Variants in CCDC141 observed in about 807,000 individuals in gnomAD.
The protein encoded by CCDC141 is coiled-coil domain-containing protein 141.
A neutral mutation model predicts 181.0 loss-of-function variants in CCDC141; 168 were observed. The observed-to-expected ratio is 0.93, with a 90% CI of 0.82 to 1.05. The LOEUF is 1.05. Ranked by LOEUF, CCDC141 falls within the 50% of genes least tolerant of loss-of-function variation. The probability of loss-of-function intolerance (pLI) is 0.00; values close to 1 mark genes in which losing one functional copy is unlikely to be tolerated. For synonymous variants in CCDC141, 666 were observed against 642.3 expected (o/e 1.04, Z -0.56); for missense variants, 1,902 against 1,788.5 (o/e 1.06, Z -1.14).
At chr2:178,899,219 T>TA (rs1283099970) in intron 8 of CCDC141, among the ~76,000 whole-genome samples, 1 of 152,210 alleles carries the variant, frequency 6.6e-6, no homozygotes, top group East Asian at 1.9e-4. Flanking sequence ...AACAATAGGC[T>TA]AGCCTAGCTA....
At chr2:178,820,283 G>A in the CCDC141 span, among the ~76,000 whole-genome samples, 1 of 152,200 alleles carries the variant, frequency 6.6e-6, no homozygotes, top group South Asian at 2.1e-4. Context: ...CCCTTGGTTT[G>A]GCCACACCGG....
chr2:179,020,446 G>A (rs2042664810), intron 2 of CCDC141, among the ~76,000 whole-genome samples: 1 of 152,074 alleles, frequency 6.6e-6, no homozygotes, highest in African/African-American at 2.4e-5. Context: ...ATGAGACCAC[G>A]TTGGCTGTGA....
At chr2:179,002,445 C>A in intron 2 of CCDC141, 1 of 386,590 alleles carries the variant, frequency 2.6e-6, no homozygotes, top group South Asian at 2.0e-5. Flanking sequence ...GACGCCTCAT[C>A]ACTTGGGGCC....
chr2:178,922,429 A>G (rs1688733139), intron 6 of CCDC141, among the ~76,000 whole-genome samples: 1 of 152,192 alleles, frequency 6.6e-6, no homozygotes, highest in African/African-American at 2.4e-5. Flanking sequence ...CAGTCTTGAC[A>G]CACTGTTTTT....
intron 2 of CCDC141, among the ~76,000 whole-genome samples, chr2:178,998,116 T>C (rs1692371460): frequency 6.6e-6 from 1 of 152,104 alleles, no homozygotes; most frequent in South Asian, 2.1e-4. Context: ...AGAATATTTG[T>C]ATATTGATTT....
chr2:179,022,184 AC>A (rs993169693), intron 2 of CCDC141, among the ~76,000 whole-genome samples: 10 of 152,096 alleles, frequency 6.6e-5, no homozygotes, highest in African/African-American at 2.2e-4. Flanking sequence ...GGATTTCACT[AC>A]CTTTTTTGCA....
At chr2:179,018,944 C>A (rs537962179) in intron 2 of CCDC141, among the ~76,000 whole-genome samples, 13 of 152,226 alleles carry the variant, frequency 8.5e-5, no homozygotes, top group African/African-American at 3.1e-4. Flanking sequence ...TCAGATAATT[C>A]TTTAAAAGCA....
chr2:178,979,590 T>C (rs573202617), intron 2 of CCDC141, among the ~76,000 whole-genome samples: 2 of 152,308 alleles, frequency 1.3e-5, no homozygotes, highest in African/African-American at 4.8e-5. Flanking sequence ...TTGTGTTTGC[T>C]AGAGTATCCC....
chr2:178,973,636 G>C (rs575539654), intron 4 of CCDC141, among the ~76,000 whole-genome samples: 1 of 152,248 alleles, frequency 6.6e-6, no homozygotes, highest in South Asian at 2.1e-4. Context: ...CATTCCCCCT[G>C]CCAGCTCCAT....
chr2:178,991,646 A>G lies in CCDC141; in HGVS notation c.226-12971T>C, dbSNP rs1213749009. On this transcript the variant is annotated intron_variant, in intron 2 of 23. Transcript: ENST00000443758. ...GATAGTAGAGTGACTATAGTTAATT[A>G]TTATATATTTCAAAATAACTAAAAG... Among the ~76,000 whole-genome samples the G allele has an allele frequency of 2.6e-5, 4 of 152,154 alleles. No homozygotes were observed. The South Asian group carries it at 8.3e-4, about 32-fold the overall frequency.
the CCDC141 span, among the ~76,000 whole-genome samples, chr2:178,824,600 CAAG>C: frequency 9.5e-6 from 1 of 105,084 alleles, no homozygotes; most frequent in South Asian, 3.3e-4. Flanking sequence ...GCCTGGGCGA[CAAG>C]AGTGAGACTT....
chr2:178,986,127 T>C (rs1691720386), intron 2 of CCDC141, among the ~76,000 whole-genome samples: 2 of 152,136 alleles, frequency 1.3e-5, no homozygotes, highest in African/African-American at 4.8e-5. Context: ...CATGATCAAG[T>C]GGGCTTCATC....
At chr2:179,033,936 CATA>C (rs1380851265) in intron 2 of CCDC141, among the ~76,000 whole-genome samples, 1 of 152,142 alleles carries the variant, frequency 6.6e-6, no homozygotes, top group East Asian at 1.9e-4. Flanking sequence ...TGGGGCTCAG[CATA>C]ATATTTCACA....
intron 22 of CCDC141, among the ~76,000 whole-genome samples, chr2:178,840,401 T>C (rs189602212): frequency 5.3e-5 from 8 of 152,366 alleles, no homozygotes; most frequent in African/African-American, 1.7e-4. Flanking sequence ...TAGAATTGTC[T>C]GAAAACTTAC....
chr2:178,965,842 A>G (rs2154379420), intron 4 of CCDC141, among the ~76,000 whole-genome samples: 1 of 152,276 alleles, frequency 6.6e-6, no homozygotes, highest in South Asian at 2.1e-4. Context: ...CCACCCCCAG[A>G]GAGCCCAGCA....
chr2:178,972,806 G>C (rs190109962), intron 4 of CCDC141, among the ~76,000 whole-genome samples: 1 of 152,214 alleles, frequency 6.6e-6, no homozygotes, highest in East Asian at 1.9e-4. Context: ...AACATTCCAG[G>C]GGGCAGAAAT....
intron 5 of CCDC141, among the ~76,000 whole-genome samples, chr2:178,949,835 G>A (rs532177866): frequency 7.9e-5 from 12 of 152,280 alleles, no homozygotes; most frequent in South Asian, 2.1e-4. Context: ...TCATGCAAGC[G>A]GTAGAAAATG....
intron 1 of CCDC141, among the ~76,000 whole-genome samples, chr2:179,047,966 C>T (rs2043554449): frequency 6.6e-6 from 1 of 152,110 alleles, no homozygotes; most frequent in African/African-American, 2.4e-5. Context: ...GTTTTCCAAC[C>T]TTAGTTGTTG....
chr2:179,015,354 CATATCCCATATATGTATCATAT>C (rs1559049432), intron 2 of CCDC141, among the ~76,000 whole-genome samples: 3 of 126,600 alleles, frequency 2.4e-5, no homozygotes, highest in Non-Finnish European at 4.7e-5. Flanking sequence ...ATGTATCATA[CATATCCCATATATGTATCATAT>C]ATATCTCATA....
Sources: gnomAD v4.1 joint callset for allele counts (sites outside exome capture counted in the v4.1 genomes callset) on GRCh38, gnomAD v4.1.1 for gene constraint, MANE v1.5 for transcripts, NCBI Gene and HGNC (gene_info 2026-07-23, HGNC 2026-07-21) for gene names.